Variants in STAG1 observed in about 807,000 individuals in gnomAD.
STAG1 encodes STAG1 cohesin complex component.
In STAG1, 26 loss-of-function variants were observed where a neutral mutation model predicts 170.9. That is an observed-to-expected ratio of 0.15 (90% confidence interval 0.11 to 0.21). STAG1 has a LOEUF of 0.21. Among genes scored for constraint, STAG1 ranks in the 10% least tolerant of loss-of-function variants. STAG1 has a pLI of 1.00. For synonymous variants in STAG1, 514 were observed against 497.7 expected, an observed-to-expected ratio of 1.03 and a Z score of -0.44; for missense variants, 964 against 1,509.5, an observed-to-expected ratio of 0.64 and a Z score of 5.99.
intron 7 of STAG1, among the ~76,000 whole-genome samples, chr3:136,512,377 T>C (rs1039453735): frequency 2.0e-5 from 3 of 152,166 alleles, no homozygotes; most frequent in South Asian, 4.1e-4. Context: ...GTAGGTTCCA[T>C]AGAAGATGAA....
chr3:136,450,985 G>A (rs564782273), intron 14 of STAG1, among the ~76,000 whole-genome samples: 65 of 152,186 alleles, frequency 4.3e-4, no homozygotes, highest in African/African-American at 1.4e-3. Flanking sequence ...CTGGCCTGAA[G>A]TGATCTGCCC....
intron 9 of STAG1, among the ~76,000 whole-genome samples, chr3:136,498,251 C>T (rs576157094): frequency 0.014 from 910 of 63,226 alleles, no homozygotes; most frequent in East Asian, 0.073. Context: ...CATATACATA[C>T]ACACACACAC....
rs2108255972 is a variant in STAG1 at position 136,340,360 on chromosome 3, G to A, written c.3672+131C>T. 5.1e-6 allele frequency: 3 copies of A among 592,232 alleles called. No individual in the cohort carries two copies. The East Asian group carries it at 9.5e-5, about 19-fold the overall frequency. 36.7% of individuals were successfully genotyped at this position (592,232 alleles called of 1,614,324 possible). ...TGGTTTCGAACTCCCGACCTCAGGT[G>A]ATCCACCCACCTCAGCCTCCCAAAG... is the stretch of plus-strand genomic sequence containing the variant. On this transcript the variant is annotated intron_variant, in intron 32 of 33. Transcript: ENST00000383202.
At chr3:136,444,810 T>A (rs1171630166) in intron 14 of STAG1, among the ~76,000 whole-genome samples, 1 of 152,166 alleles carries the variant, frequency 6.6e-6, no homozygotes, top group South Asian at 2.1e-4. Context: ...AGCACTTGAG[T>A]TGGATTTCCT....
intron 10 of STAG1, among the ~76,000 whole-genome samples, chr3:136,477,040 T>A (rs1201392330): frequency 1.3e-5 from 2 of 152,166 alleles, no homozygotes; most frequent in Non-Finnish European, 2.9e-5. Context: ...CTCTGAAAAC[T>A]TTATATATAC....
At chr3:136,640,866 G>A (rs1164772835) in intron 1 of STAG1, among the ~76,000 whole-genome samples, 1 of 151,638 alleles carries the variant, frequency 6.6e-6, no homozygotes, top group Non-Finnish European at 1.5e-5. Context: ...GTAGAGACGA[G>A]GTTTTGCCAT....
chr3:136,375,071 G>A (rs1035016618), intron 23 of STAG1, among the ~76,000 whole-genome samples: 2 of 152,146 alleles, frequency 1.3e-5, no homozygotes, highest in Admixed American at 6.6e-5. Flanking sequence ...CATGTGGTAG[G>A]CAATACCATT....
chr3:136,591,997 A>C (rs1419406585), intron 4 of STAG1, among the ~76,000 whole-genome samples: 2 of 152,334 alleles, frequency 1.3e-5, no homozygotes, highest in South Asian at 2.1e-4. Context: ...AGGTTGGGAC[A>C]TGAGGCCAGA....
At chr3:136,438,732 T>C (rs770844397) in intron 15 of STAG1, among the ~76,000 whole-genome samples, 1 of 152,164 alleles carries the variant, frequency 6.6e-6, no homozygotes, top group African/African-American at 2.4e-5. Flanking sequence ...AGTATAACAC[T>C]ATACGCTCAG....
chr3:136,711,440 G>A (rs995372133), intron 1 of STAG1, among the ~76,000 whole-genome samples: 8 of 151,910 alleles, frequency 5.3e-5, no homozygotes, highest in Non-Finnish European at 2.9e-5. Context: ...TCACACCTAC[G>A]GTCCCAGCTA....
chr3:136,576,783 A>T (rs370660654), intron 4 of STAG1, among the ~76,000 whole-genome samples: 1 of 152,310 alleles, frequency 6.6e-6, no homozygotes, highest in African/African-American at 2.4e-5. Context: ...CATTCTTCAA[A>T]TTCTATTAGG....
At chr3:136,546,680 T>C (rs1936169346) in intron 5 of STAG1, among the ~76,000 whole-genome samples, 1 of 152,172 alleles carries the variant, frequency 6.6e-6, no homozygotes, top group Non-Finnish European at 1.5e-5. Flanking sequence ...GAGCCAGGTT[T>C]CATTTCTAAA....
chr3:136,405,508 C>G (rs1360270570), intron 21 of STAG1, among the ~76,000 whole-genome samples: 1 of 151,648 alleles, frequency 6.6e-6, no homozygotes, highest in Non-Finnish European at 1.5e-5. Flanking sequence ...TCTCAAAGTG[C>G]TGGGATTATA....
intron 21 of STAG1, among the ~76,000 whole-genome samples, chr3:136,412,865 CTT>C (rs35801167): frequency 2.8e-5 from 4 of 141,472 alleles, no homozygotes; most frequent in Admixed American, 7.1e-5. Flanking sequence ...ACAATTTTTT[CTT>C]TTTTTTTTTT....
At chr3:136,657,075 A>G (rs547551855) in intron 1 of STAG1, among the ~76,000 whole-genome samples, 2 of 151,950 alleles carry the variant, frequency 1.3e-5, no homozygotes, top group South Asian at 4.1e-4. Flanking sequence ...TTTATACACT[A>G]TTAAGAACTA....
At chr3:136,343,592 C>T (rs1226236762) in intron 30 of STAG1, among the ~76,000 whole-genome samples, 1 of 152,148 alleles carries the variant, frequency 6.6e-6, no homozygotes, top group Non-Finnish European at 1.5e-5. Flanking sequence ...CACATGCCAA[C>T]TGAAATTAGC....
At chr3:136,639,876 CTATG>C (rs1559924833) in intron 1 of STAG1, among the ~76,000 whole-genome samples, 1 of 152,132 alleles carries the variant, frequency 6.6e-6, no homozygotes, top group Non-Finnish European at 1.5e-5. Context: ...TTCCTTTAAA[CTATG>C]TATGTGTGTG....
rs145815277 is a variant in STAG1, at chr3:136,352,680, C to T, written c.3066-3317G>A. On this transcript the variant is annotated intron_variant, in intron 28 of 33. Coordinates refer to ENST00000383202, the MANE Select transcript of STAG1 (RefSeq NM_005862.3). ...TGTACTTTAATGGTGAGTACCTATA[C>T]AATCATTCTGTTTTGTACTTTCAGT... is the stretch of plus-strand genomic sequence containing the variant. Among the ~76,000 whole-genome samples the T allele has an allele frequency of 1.7e-3, 253 of 152,190 alleles. 1 individual carries two copies. The Middle Eastern group carries it at 0.024, about 14-fold the overall frequency.
chr3:136,469,634 C>T (rs2089569289), intron 12 of STAG1, among the ~76,000 whole-genome samples: 1 of 152,192 alleles, frequency 6.6e-6, no homozygotes, highest in Non-Finnish European at 1.5e-5. Context: ...GAAAAAACTA[C>T]ATTAAAGTTC....
Sources: allele counts gnomAD v4.1 joint callset (sites outside exome capture counted in the v4.1 genomes callset), GRCh38; gene constraint gnomAD v4.1.1; transcripts MANE v1.5; gene names NCBI Gene and HGNC (gene_info 2026-07-23, HGNC 2026-07-21).